MED29: variants seen among roughly 807,000 people sequenced by gnomAD.
MED29 encodes the protein mediator complex subunit 29.
A neutral mutation model predicts 22.0 loss-of-function variants in MED29; 14 were observed. The observed-to-expected ratio is 0.64, with a 90% confidence interval of 0.42 to 0.99. The LOEUF is 0.99. Among genes scored for constraint, MED29 ranks in the 50% least tolerant of loss-of-function variants. The probability of loss-of-function intolerance (pLI) is 0.00; values close to 1 mark genes in which losing one functional copy is unlikely to be tolerated. For missense variants in MED29, 241 were observed against 253.7 expected, an observed-to-expected ratio of 0.95 and a Z score of 0.34; for synonymous variants, 123 against 107.8, an observed-to-expected ratio of 1.14 and a Z score of -0.87.
chr19:39,393,072 C>CTTTT (rs2078405142), intron 2 of MED29, among the ~76,000 whole-genome samples: 17 of 86,118 alleles, frequency 2.0e-4, no homozygotes, highest in African/African-American at 6.5e-4. Flanking sequence ...TTCTTTCTTT[C>CTTTT]TTTCTTTTCT....
chr19:39,391,654 C>T lies in MED29; in HGVS notation c.216+16C>T, dbSNP rs372510413. On this transcript the variant is annotated intron_variant, in intron 1 of 3. Coordinates refer to ENST00000315588, the MANE Select transcript of MED29 (RefSeq NM_017592.4). ...GAGTCTACAGGTGATTGGCCTTAAG[C>T]AGCGAGAAGCAAACTGGATTTGGTA... 1.4e-5 allele frequency: 22 copies of T among 1,556,574 alleles called. No homozygotes were observed. The highest frequency in any genetic ancestry group is 1.8e-5 in the Non-Finnish European group (21 of 1,150,434).
chr19:39,392,624 CTTT>C (rs11432802), intron 2 of MED29, 102 bp downstream of exon 2: 7,586 of 511,764 alleles, frequency 0.015, 8 homozygotes, highest in African/African-American at 0.026. Context: ...TCTATATTTA[CTTT>C]TTTTTTTTTT....
intron 2 of MED29, among the ~76,000 whole-genome samples, chr19:39,393,081 C>CTTTTTTTTTTTTTTTTTTTTTTTTT (rs142198224): frequency 1.3e-3 from 45 of 34,724 alleles, no homozygotes; most frequent in Non-Finnish European, 2.3e-3. Flanking sequence ...TCTTTCTTTT[C>CTTTTTTTTTTTTTTTTTTTTTTTTT]TTTTTTTTTT....
Position 39,396,796 on chromosome 19 carries a change from G to C in MED29, c.361-661G>C, listed in dbSNP as rs1011327030. Among the ~76,000 whole-genome samples the C allele has an allele frequency of 2.6e-5, 4 of 151,898 alleles. No homozygotes were observed. The South Asian group carries it at 8.3e-4, about 32-fold the overall frequency. On this transcript the variant is annotated intron_variant, in intron 3 of 3. Transcript: ENST00000315588. ...TTCCAGCACTTTGGGAGGCTGAGGC[G>C]GGTCGGTCACCTGAGGTCATGAGTT...
chr19:39,392,435 C>G (rs2078392819), intron 1 of MED29, 29 bp from the exon 2 acceptor site: 2 of 1,608,802 alleles, frequency 1.2e-6, no homozygotes, highest in Non-Finnish European at 8.5e-7. Flanking sequence ...TTTTCCATTT[C>G]CCACGTGTTT....
intron 2 of MED29, among the ~76,000 whole-genome samples, chr19:39,393,056 T>TTTTC (rs869056810): frequency 2.2e-5 from 3 of 134,432 alleles, no homozygotes; most frequent in African/African-American, 5.9e-5. Flanking sequence ...AGCCTTTTCC[T>TTTTC]TTTCTTTCTT....
At chr19:39,395,708 G>A (rs990604824) in intron 3 of MED29, among the ~76,000 whole-genome samples, 4 of 152,158 alleles carry the variant, frequency 2.6e-5, no homozygotes, top group African/African-American at 9.7e-5. Context: ...CACAAGGTCA[G>A]GAGATCGAGA....
chr19:39,392,369 T>C, intron 1 of MED29, 95 bp from the exon 2 acceptor site: 1 of 1,130,612 alleles, frequency 8.8e-7, no homozygotes, highest in East Asian at 2.4e-5. Context: ...AAAGAAAACC[T>C]GAGACTGAGT....
rs556070413 is a variant in MED29, at chr19:39,395,462, A to G, written c.360+1825A>G. ...AAGGGCGCAGCCATGGCAGGATCCA[A>G]GGACGCCTGGACTGGGCTCCACCAG... is the stretch of plus-strand genomic sequence containing the variant. On this transcript the variant is annotated intron_variant, in intron 3 of 3. Coordinates refer to ENST00000315588, the MANE Select transcript of MED29 (RefSeq NM_017592.4). Among the ~76,000 whole-genome samples the G allele has an allele frequency of 1.1e-3, 169 of 152,298 alleles. 2 individuals carry two copies. The highest frequency in any genetic ancestry group is 1.0e-3 in the Admixed American group (16 of 15,304).
intron 3 of MED29, among the ~76,000 whole-genome samples, chr19:39,394,916 A>G (rs1457242591): frequency 6.7e-6 from 1 of 149,518 alleles, no homozygotes; most frequent in Admixed American, 6.7e-5. Context: ...GCTGGACTGC[A>G]GTGGCACAGT....
Position 39,391,416 on chromosome 19 carries a change from G to A in MED29, c.-7G>A. The A allele has an allele frequency of 6.2e-7, 1 of 1,611,548 alleles. No individual in the cohort carries two copies. The highest frequency in any genetic ancestry group is 8.5e-7 in the Non-Finnish European group (1 of 1,177,926). ...GTAACGCACTTCCGGCGGTCTACGC[G>A]AGGAAGATGGCTGCATCCCAGCAGC... On this transcript the variant is annotated 5_prime_UTR_variant, in exon 1 of 4. Transcript: ENST00000315588.
intron 3 of MED29, among the ~76,000 whole-genome samples, chr19:39,395,823 A>G (rs889624884): frequency 1.3e-5 from 2 of 152,028 alleles, no homozygotes; most frequent in Admixed American, 6.5e-5. Context: ...AGGCTGAGGC[A>G]GGAGAATGGC....
At chr19:39,391,732 A>G in intron 1 of MED29, 94 bp downstream of exon 1, 1 of 1,426,746 alleles carries the variant, frequency 7.0e-7, no homozygotes, top group Middle Eastern at 1.9e-4. Context: ...GCTAAGCAGA[A>G]AGAGGAATAG....
intron 2 of MED29, 102 bp downstream of exon 2, chr19:39,392,624 C>CT (rs11432802): frequency 0.15 from 78,253 of 515,344 alleles, 3,021 homozygotes; most frequent in African/African-American, 0.36. Flanking sequence ...TCTATATTTA[C>CT]TTTTTTTTTT....
At position 39,391,487 on chromosome 19, in the gene MED29, C is replaced by G. The variant is rs770420423; in HGVS notation, c.65C>G (p.Ser22Trp). 4 of 1,612,860 alleles carry G rather than the reference C, an allele frequency of 2.5e-6. No individual in the cohort carries two copies. The highest frequency in any genetic ancestry group is 3.3e-5 in the Admixed American group (2 of 59,972). The change falls in exon 1 of 4, where the codon TCG (serine) becomes TGG (tryptophan). Residue 22 changes from serine to tryptophan, a missense_variant. Ser to Trp is a radical substitution (Grantham distance 177). Coordinates refer to ENST00000315588, the MANE Select transcript of MED29 (RefSeq NM_017592.4). ...SSAAGVSGPS[S>W]AGGPGPQQQP... ...GCTGCTGGTGTATCGGGTCCTAGTT[C>G]GGCTGGCGGCCCGGGTCCCCAGCAG...
intron 3 of MED29, among the ~76,000 whole-genome samples, chr19:39,395,162 A>G (rs539446743): frequency 9.9e-5 from 15 of 152,266 alleles, no homozygotes; most frequent in Non-Finnish European, 1.9e-4. Context: ...TGGGTTTTGA[A>G]GGAAAAGTGG....
At position 39,391,410 on chromosome 19, in the gene MED29, C is replaced by A. The variant is rs187869018; in HGVS notation, c.-13C>A. 3.3e-4 allele frequency: 536 copies of A among 1,610,250 alleles called. No individual in the cohort carries two copies. Among genetic ancestry groups the A allele is most frequent in the Admixed American group, 1.7e-3 (102 of 59,916 alleles). ...GCAGTCGTAACGCACTTCCGGCGGTCTACGCGAGGAAGATGGCTGCATCCC... is the reference window on the plus strand; with the variant it reads ...GCAGTCGTAACGCACTTCCGGCGGTATACGCGAGGAAGATGGCTGCATCCC... On this transcript the variant is annotated 5_prime_UTR_variant, in exon 1 of 4. Transcript: ENST00000315588.
intron 1 of MED29, 53 bp from the exon 2 acceptor site, chr19:39,392,411 G>GTAT: frequency 7.0e-7 from 1 of 1,426,058 alleles, no homozygotes. Flanking sequence ...TCTGCCAGAG[G>GTAT]TATTCCCTTT....
chr19:39,392,624 C>CTTTTTTCTT, intron 2 of MED29, 102 bp downstream of exon 2: 1 of 519,952 alleles, frequency 1.9e-6, no homozygotes, highest in East Asian at 3.7e-5. Context: ...TCTATATTTA[C>CTTTTTTCTT]TTTTTTTTTT....
Sources: allele counts gnomAD v4.1 joint callset (sites outside exome capture counted in the v4.1 genomes callset), GRCh38; gene constraint gnomAD v4.1.1; transcripts MANE v1.5; gene names NCBI Gene and HGNC (gene_info 2026-07-23, HGNC 2026-07-21).